Variants in SEM1 observed in about 807,000 individuals in gnomAD.
SEM1 encodes the protein SEM1 26S proteasome subunit.
Under a neutral mutation model 12.7 loss-of-function variants are expected in SEM1, and 3 were observed. That is an observed-to-expected ratio of 0.24 (90% CI 0.11 to 0.61). The LOEUF is 0.61. Ranked by LOEUF, SEM1 falls within the 20% of genes least tolerant of loss-of-function variation. The pLI, the probability that SEM1 is intolerant of heterozygous loss-of-function variation, is 0.88. For synonymous variants in SEM1, 30 were observed against 27.8 expected (o/e 1.08, Z -0.25); for missense variants, 59 against 81.3 (o/e 0.73, Z 1.06).
At chr7:96,580,950 C>T (rs1806379135) in intron 2 of SEM1, among the ~76,000 whole-genome samples, 1 of 152,098 alleles carries the variant, frequency 6.6e-6, no homozygotes, top group Admixed American at 6.5e-5. Flanking sequence ...GTTTCTTTTG[C>T]TGTGCAGAAG....
chr7:96,709,696 G>A lies in SEM1; in HGVS notation c.68C>T (p.Pro23Leu), dbSNP rs1488417108. 1 of 1,613,396 alleles carries A rather than the reference G, an allele frequency of 6.2e-7. No individual in the cohort carries two copies. The highest frequency in any genetic ancestry group is 1.3e-5 in the African/African-American group (1 of 74,908). Reference protein sequence around the residue: ...LEEDDEFEEFPAEDWAGLDED... With the variant: ...LEEDDEFEEFLAEDWAGLDED... The stretch of plus-strand genomic sequence containing the variant: ...CGGGGCCCAGCGGTTACCTTCGGCA[G>A]GGAACTCTTCAAACTCGTCGTCTTC... The change falls in exon 1 of 3, where the codon CCT (proline) becomes CTT (leucine). Residue 23 changes from proline (P) to leucine (L), a missense_variant. Pro to Leu is a moderately conservative substitution (Grantham distance 98, BLOSUM62 -3). Transcript: ENST00000248566.
At chr7:96,488,572 C>A (rs773253545) in intron 1 of SEM1, among the ~76,000 whole-genome samples, 8 of 152,008 alleles carry the variant, frequency 5.3e-5, no homozygotes, top group Non-Finnish European at 1.0e-4. Context: ...CCAGGGAAGC[C>A]TTTCTGCTTG....
intron 2 of SEM1, among the ~76,000 whole-genome samples, chr7:96,667,764 C>T (rs1789209005): frequency 2.0e-5 from 3 of 152,282 alleles, no homozygotes; most frequent in Non-Finnish European, 2.9e-5. Flanking sequence ...TTAGTCCCAA[C>T]GGCCTGAGCT....
intron 1 of SEM1, among the ~76,000 whole-genome samples, chr7:96,698,110 G>C (rs2115929713): frequency 6.6e-6 from 1 of 152,046 alleles, no homozygotes. Flanking sequence ...CTGAAACAAA[G>C]GATCAAAATA....
At chr7:96,625,196 C>G (rs1210199613) in intron 2 of SEM1, among the ~76,000 whole-genome samples, 2 of 152,158 alleles carry the variant, frequency 1.3e-5, no homozygotes, top group East Asian at 3.9e-4. Context: ...CTGCCTCCTT[C>G]TCCTCCCACA....
At chr7:96,523,958 A>AT (rs1804365447) in intron 2 of SEM1, among the ~76,000 whole-genome samples, 2 of 151,588 alleles carry the variant, frequency 1.3e-5, no homozygotes, top group East Asian at 2.0e-4. Flanking sequence ...TGTGATCTTC[A>AT]TTTTTTCCCT....
At chr7:96,628,568 T>C (rs1318827553) in intron 2 of SEM1, among the ~76,000 whole-genome samples, 1 of 152,210 alleles carries the variant, frequency 6.6e-6, no homozygotes, top group East Asian at 1.9e-4. Context: ...AACTGTTTGT[T>C]GTTTGTATTT....
intron 2 of SEM1, among the ~76,000 whole-genome samples, chr7:96,662,842 C>T (rs1257026072): frequency 6.6e-6 from 1 of 151,966 alleles, no homozygotes; most frequent in African/African-American, 2.4e-5. Context: ...CAAAAAAGTA[C>T]AAAAAATTAG....
intron 2 of SEM1, among the ~76,000 whole-genome samples, chr7:96,635,597 A>G (rs2116361645): frequency 6.6e-6 from 1 of 152,256 alleles, no homozygotes; most frequent in African/African-American, 2.4e-5. Context: ...AGGGGTAGTC[A>G]ATTGTGCTAA....
intron 2 of SEM1, among the ~76,000 whole-genome samples, chr7:96,533,475 A>G (rs1326891419): frequency 6.6e-6 from 1 of 152,066 alleles, no homozygotes; most frequent in Non-Finnish European, 1.5e-5. Context: ...CTTTATAATT[A>G]AATTAGACTG....
intron 2 of SEM1, among the ~76,000 whole-genome samples, chr7:96,626,782 C>G (rs370066006): frequency 6.6e-6 from 1 of 152,084 alleles, no homozygotes; most frequent in Non-Finnish European, 1.5e-5. Flanking sequence ...ATTTTGGTAT[C>G]AGAGTAATAC....
intron 2 of SEM1, among the ~76,000 whole-genome samples, chr7:96,521,650 T>C (rs149528699): frequency 5.3e-4 from 80 of 152,232 alleles, no homozygotes; most frequent in Admixed American, 1.9e-3. Context: ...GGCAGTTTCA[T>C]GTTCTTCTGT....
chr7:96,653,920 T>C lies in SEM1; in HGVS notation c.171-31277A>G, dbSNP rs1274334461. ...GGGGCCGGGGAATTATACTTAATAG[T>C]GTCTATTTCTTTATGCAATTGGAAG... On this transcript the variant is annotated intron_variant, in intron 2 of 2. Coordinates refer to the SEM1 transcript ENST00000417009. 3 of 152,184 alleles carry C rather than the reference T, an allele frequency of 2.0e-5. No individual in the cohort carries two copies. In the East Asian group the frequency reaches 5.8e-4, roughly 29 times the overall value. The allele number at this position is 152,184 out of a possible 1,614,324, so 9.4% of individuals were successfully genotyped here. A position where few individuals can be genotyped will look rare whatever the true frequency, so the allele number is the denominator to read the frequency against.
At chr7:96,683,775 C>A (rs1459483530), downstream of SEM1, among the ~76,000 whole-genome samples, 1 of 152,110 alleles carries the variant, frequency 6.6e-6, no homozygotes, top group East Asian at 1.9e-4. Flanking sequence ...CAAACTAACA[C>A]AAGAACAGAA....
At chr7:96,526,019 C>T (rs12704849) in intron 2 of SEM1, among the ~76,000 whole-genome samples, 12,729 of 152,122 alleles carry the variant, frequency 0.084, 744 homozygotes, top group Non-Finnish European at 0.12. Flanking sequence ...GGTTGCACAA[C>T]CATGACCTCA....
chr7:96,689,161 T>C (rs1239910596), intron 2 of SEM1, among the ~76,000 whole-genome samples, 195 bp from the exon 3 acceptor site: 3 of 152,152 alleles, frequency 2.0e-5, no homozygotes, highest in Non-Finnish European at 4.4e-5. Context: ...CTATAAAATT[T>C]TGTTTTTCCC....
At chr7:96,592,629 A>G (rs1806863742) in intron 2 of SEM1, among the ~76,000 whole-genome samples, 1 of 151,736 alleles carries the variant, frequency 6.6e-6, no homozygotes, top group South Asian at 2.1e-4. Context: ...TAGCACAAGC[A>G]GAGACAAAGC....
intron 1 of SEM1, among the ~76,000 whole-genome samples, chr7:96,495,322 T>C (rs984270518): frequency 2.6e-5 from 4 of 152,166 alleles, no homozygotes; most frequent in Non-Finnish European, 4.4e-5. Context: ...GCATCTCTAC[T>C]TTCTGTTCTC....
At chr7:96,576,716 T>A (rs116918947) in intron 2 of SEM1, among the ~76,000 whole-genome samples, 62 of 152,330 alleles carry the variant, frequency 4.1e-4, no homozygotes, top group Middle Eastern at 3.4e-3. Context: ...TTGTCCTTTG[T>A]TCCTGAGGTA....
Sources: allele counts gnomAD v4.1 joint callset (sites outside exome capture counted in the v4.1 genomes callset), GRCh38; gene constraint gnomAD v4.1.1; transcripts MANE v1.5; gene names NCBI Gene and HGNC (gene_info 2026-07-23, HGNC 2026-07-21).